The following EIF2S3B variants were observed in gnomAD, a reference collection of about 807,000 sequenced individuals.
The protein encoded by EIF2S3B is eukaryotic translation initiation factor 2 subunit gamma B, also known as eukaryotic translation initiation factor 2 subunit 3B.
A neutral mutation model predicts 26.4 loss-of-function variants in EIF2S3B; 16 were observed. That is an observed-to-expected ratio of 0.61 (90% confidence interval 0.41 to 0.92). The LOEUF (loss-of-function observed/expected upper bound fraction) is 0.92. Ranked by LOEUF, EIF2S3B falls within the 40% of genes least tolerant of loss-of-function variation. The pLI is 0.00. For synonymous variants in EIF2S3B, 183 were observed against 204.4 expected, an observed-to-expected ratio of 0.90 and a Z score of 0.89; for missense variants, 510 against 575.5, an observed-to-expected ratio of 0.89 and a Z score of 1.16.
At chr12:10,517,808 G>A (rs1316443466) in intron 1 of EIF2S3B, among the ~76,000 whole-genome samples, 1 of 152,134 alleles carries the variant, frequency 6.6e-6, no homozygotes, top group Non-Finnish European at 1.5e-5. Context: ...CTGGTATGTT[G>A]TGTCTTTGTT....
rs775796527 is a variant in EIF2S3B at position 10,507,922 on chromosome 12, C to A, written c.*601C>A. Among the ~76,000 whole-genome samples the A allele has an allele frequency of 1.1e-4, 16 of 152,204 alleles. No individual in the cohort carries two copies. Among genetic ancestry groups the A allele is most frequent in the Non-Finnish European group, 1.6e-4 (11 of 68,024 alleles). Reference sequence around the variant, plus strand: ...AGTTTGAAATGAAACTTTGCCACAACCAGCCTTTGCTGTAGCACACACATA... The same window carrying A: ...AGTTTGAAATGAAACTTTGCCACAAACAGCCTTTGCTGTAGCACACACATA... On this transcript the variant is annotated 3_prime_UTR_variant, in exon 1 of 1. Coordinates refer to ENST00000538173, the MANE Select transcript of EIF2S3B (RefSeq NM_001357734.3).
At chr12:10,515,345 A>G (rs529741547) in intron 1 of EIF2S3B, among the ~76,000 whole-genome samples, 1 of 152,170 alleles carries the variant, frequency 6.6e-6, no homozygotes, top group African/African-American at 2.4e-5. Context: ...GCTCATTGAA[A>G]GCTGATAATT....
At chr12:10,509,863 T>G (rs1200335122), downstream of EIF2S3B, among the ~76,000 whole-genome samples, 1 of 152,106 alleles carries the variant, frequency 6.6e-6, no homozygotes, top group Non-Finnish European at 1.5e-5. Context: ...AGCATGAAAG[T>G]CACACATAGA....
intron 1 of EIF2S3B, among the ~76,000 whole-genome samples, chr12:10,514,416 T>C (rs998417091): frequency 6.6e-6 from 1 of 152,174 alleles, no homozygotes; most frequent in Non-Finnish European, 1.5e-5. Context: ...ACTTATTATA[T>C]TAATTGATAA....
intron 1 of EIF2S3B, among the ~76,000 whole-genome samples, chr12:10,514,026 A>G (rs964327605): frequency 6.6e-6 from 1 of 152,164 alleles, no homozygotes; most frequent in African/African-American, 2.4e-5. Flanking sequence ...AAAAAGATAA[A>G]TAAATAAAAG....
rs776283282 is a variant in EIF2S3B at position 10,506,093 on chromosome 12, T to G, written c.191T>G (p.Val64Gly). The change falls in exon 1 of 1, where the codon GTT becomes GGT. Residue 64 changes from valine to glycine, a missense_variant. Val to Gly is a moderately radical substitution (Grantham distance 109, BLOSUM62 -3). Coordinates refer to ENST00000538173, the MANE Select transcript of EIF2S3B (RefSeq NM_001357734.3). ...KSTVVKAISG[V>G]HTVRFKNELE... ...ACAGTCGTCAAAGCTATTTCTGGAG[T>G]TCACACCGTCAGGTTCAAAAATGAA... 5.8e-5 allele frequency: 93 copies of G among 1,596,848 alleles called. No homozygotes were observed. The highest frequency in any genetic ancestry group is 7.8e-5 in the Non-Finnish European group (91 of 1,164,442).
chr12:10,521,277 G>A (rs1864828944), intron 1 of EIF2S3B, among the ~76,000 whole-genome samples: 1 of 152,040 alleles, frequency 6.6e-6, no homozygotes, highest in Admixed American at 6.6e-5. Context: ...ATGAATCTTA[G>A]AGAATGGGAA....
At chr12:10,518,567 G>C (rs950855834) in intron 1 of EIF2S3B, among the ~76,000 whole-genome samples, 5 of 152,068 alleles carry the variant, frequency 3.3e-5, no homozygotes, top group African/African-American at 1.2e-4. Context: ...TTGCCAGTCT[G>C]TGTCTTTTAA....
downstream of EIF2S3B, among the ~76,000 whole-genome samples, chr12:10,511,349 G>T (rs1847990637): frequency 6.6e-6 from 1 of 152,006 alleles, no homozygotes; most frequent in South Asian, 2.1e-4. Flanking sequence ...AATAGATGAG[G>T]TTTCACCATG....
At chr12:10,519,712 C>T (rs1305469915) in intron 1 of EIF2S3B, among the ~76,000 whole-genome samples, 1 of 152,094 alleles carries the variant, frequency 6.6e-6, no homozygotes, top group Non-Finnish European at 1.5e-5. Flanking sequence ...CATGAACAGA[C>T]ACTTCTCAAA....
At position 10,518,313 on chromosome 12, in the gene EIF2S3B, T is replaced by G. The variant is rs536812187; in HGVS notation, c.1309-4290T>G. Among the ~76,000 whole-genome samples the G allele has an allele frequency of 3.0e-3, 457 of 152,268 alleles. 1 individual carries two copies. The highest frequency in any genetic ancestry group is 0.01 in the African/African-American group (431 of 41,554). On this transcript the variant is annotated intron_variant, in intron 1 of 1. Coordinates refer to the EIF2S3B transcript ENST00000322446. ...GCTCCTGTATTGGGTGCATATATAT[T>G]TAGGATAGTTAGCTCTTCTTGATCC...
downstream of EIF2S3B, among the ~76,000 whole-genome samples, chr12:10,511,105 GA>G (rs894545758): frequency 7.9e-5 from 12 of 151,294 alleles, no homozygotes; most frequent in East Asian, 1.9e-4. Context: ...TAATTCTATG[GA>G]AAAAAAATCT....
intron 1 of EIF2S3B, among the ~76,000 whole-genome samples, chr12:10,516,401 G>A (rs1303736483): frequency 1.3e-5 from 2 of 151,956 alleles, no homozygotes; most frequent in South Asian, 2.1e-4. Flanking sequence ...AAATCAAAAG[G>A]CAGAATATAT....
intron 1 of EIF2S3B, among the ~76,000 whole-genome samples, chr12:10,516,766 TTA>T (rs1224626636): frequency 1.3e-5 from 2 of 152,140 alleles, no homozygotes; most frequent in African/African-American, 4.8e-5. Flanking sequence ...ATAGCTCTTA[TTA>T]TTTTGAGATA....
rs1349910572 is a variant in EIF2S3B, at chr12:10,508,409, C to T, written c.*1088C>T. On this transcript the variant is annotated 3_prime_UTR_variant, in exon 1 of 1. Coordinates refer to ENST00000538173, the MANE Select transcript of EIF2S3B (RefSeq NM_001357734.3). ...ATAATTCTAGATGAGTAACAAAGAT[C>T]CTTCTAGGCCTTCATTTTATGTTTT... is the stretch of plus-strand genomic sequence containing the variant. Among the ~76,000 whole-genome samples the T allele has an allele frequency of 1.3e-5, 2 of 150,452 alleles. No individual in the cohort carries two copies. The highest frequency in any genetic ancestry group is 3.0e-5 in the Non-Finnish European group (2 of 67,786).
At chr12:10,515,195 A>ATT (rs1864742906) in intron 1 of EIF2S3B, among the ~76,000 whole-genome samples, 1 of 151,896 alleles carries the variant, frequency 6.6e-6, no homozygotes. Context: ...CTTCACATCA[A>ATT]TTATGATCTA....
downstream of EIF2S3B, among the ~76,000 whole-genome samples, chr12:10,508,631 T>A (rs1326336052): frequency 6.7e-6 from 1 of 149,836 alleles, no homozygotes; most frequent in East Asian, 2.0e-4. Context: ...TGATTATACA[T>A]CCCTGGGTTC....
In EIF2S3B at chr12:10,507,959, CTG is replaced by C. The variant is rs1184501189; in HGVS notation, c.*640_*641del. ...GTAGCACACACATATATCACTGAAA[CTG>C]TTCGAAATAAAGTTTTTTTTTGTTT... On this transcript the variant is annotated 3_prime_UTR_variant, in exon 1 of 1. Transcript: ENST00000538173. Among the ~76,000 whole-genome samples, 3 of 151,802 alleles carry C rather than the reference CTG, an allele frequency of 2.0e-5. No individual in the cohort carries two copies. The highest frequency in any genetic ancestry group is 7.3e-5 in the African/African-American group (3 of 41,070).
chr12:10,511,819 T>C (rs555688697), downstream of EIF2S3B, among the ~76,000 whole-genome samples: 13 of 152,122 alleles, frequency 8.5e-5, no homozygotes, highest in Non-Finnish European at 1.6e-4. Context: ...TAAGATTCCT[T>C]GAAAGAAATA....
Sources: allele counts gnomAD v4.1 joint callset (sites outside exome capture counted in the v4.1 genomes callset), GRCh38; gene constraint gnomAD v4.1.1; transcripts MANE v1.5; gene names NCBI Gene and HGNC (gene_info 2026-07-23, HGNC 2026-07-21).